The following PSD4 variants were observed in gnomAD, a reference collection of about 807,000 sequenced individuals.
PSD4 encodes the protein PH and SEC7 domain-containing protein 4.
PSD4 carries 59 observed loss-of-function variants against 112.5 expected under a neutral mutation model. The ratio of observed to expected loss-of-function variants is 0.52; its 90% CI spans 0.43 to 0.65. The LOEUF is 0.65. Among genes scored for constraint, PSD4 ranks in the 30% least tolerant of loss-of-function variants. PSD4 has a pLI of 0.00. For missense variants in PSD4, 1,267 were observed against 1,352.6 expected (o/e 0.94, Z 0.99); for synonymous variants, 533 against 540.0 (o/e 0.99, Z 0.18).
chr2:113,195,047 C>G (rs1213673834), intron 10 of PSD4, among the ~76,000 whole-genome samples: 1 of 152,194 alleles, frequency 6.6e-6, no homozygotes, highest in Non-Finnish European at 1.5e-5. Context: ...CCAGTTTCTT[C>G]TCCATCAGAT....
chr2:113,193,451 T>G, intron 8 of PSD4, 81 bp downstream of exon 8: 1 of 1,501,130 alleles, frequency 6.7e-7, no homozygotes, highest in Admixed American at 1.7e-5. Flanking sequence ...TAGGTGACAG[T>G]GAACTGGTGG....
At chr2:113,176,508 A>G (rs4849160) in intron 1 of PSD4, among the ~76,000 whole-genome samples, 113,832 of 152,140 alleles carry the variant, frequency 0.75, 43,558 homozygotes, top group African/African-American at 0.91. Flanking sequence ...AGAGTGGAGC[A>G]GTGCTCTCTC....
At chr2:113,190,376 A>G (rs1688412324) in intron 5 of PSD4, among the ~76,000 whole-genome samples, 1 of 152,144 alleles carries the variant, frequency 6.6e-6, no homozygotes, top group African/African-American at 2.4e-5. Context: ...GTTGGCTGTA[A>G]ATTGTACACT....
rs1333278075 is a variant in PSD4, at chr2:113,196,332, GGGT to G, written c.2386+28_2386+30del. On this transcript the variant is annotated intron_variant, in intron 12 of 16. Coordinates refer to ENST00000245796, the MANE Select transcript of PSD4 (RefSeq NM_012455.3). ...AGTGAGTGTCTGCTGCCCACAAACA[GGGT>G]GGCGTGCTGGGAGCAGCCCTGCTCA... is the stretch of plus-strand genomic sequence containing the variant. 3 of 1,601,736 alleles carry G rather than the reference GGGT, an allele frequency of 1.9e-6. No individual in the cohort carries two copies. In the African/African-American group the frequency reaches 4.0e-5, roughly 21 times the overall value.
In PSD4 at chr2:113,186,120, A is replaced by G. The variant is rs930140023; in HGVS notation, c.1493A>G (p.Glu498Gly). ...TCTTCACTCTTGGAGACGGATGGGG[A>G]ACAGCCAAGTTCCTTGAAGAAAAAG... is the stretch of plus-strand genomic sequence containing the variant. Reference protein sequence around the residue: ...SQSSLLETDGEQPSSLKKKEA... With the variant: ...SQSSLLETDGGQPSSLKKKEA... Residue 498 changes from glutamate (E) to glycine (G), a missense_variant, in exon 5 of 17, where the codon GAA (glutamate) becomes GGA (glycine). By Grantham distance (98) the Glu-to-Gly change is moderately conservative. Coordinates refer to ENST00000245796, the MANE Select transcript of PSD4 (RefSeq NM_012455.3). 1 of 1,614,096 alleles carries G rather than the reference A, an allele frequency of 6.2e-7. No individual in the cohort carries two copies. The highest frequency in any genetic ancestry group is 1.3e-5 in the African/African-American group (1 of 74,922).
rs1456296765 is a variant in PSD4, at chr2:113,196,305, AGAGT to A, written c.2386+4_2386+7del. 2 of 1,611,726 alleles carry A rather than the reference AGAGT, an allele frequency of 1.2e-6. No homozygotes were observed. Among genetic ancestry groups the A allele is most frequent in the Non-Finnish European group, 1.7e-6 (2 of 1,178,348 alleles). On this transcript the variant is annotated splice_donor_variant and coding_sequence_variant, in exon 12 of 17. Transcript: ENST00000245796. LOFTEE classifies it high-confidence loss of function. ...ATGCATCAAGATGCAGACGGCAAGA[AGAGT>A]GAGTGTCTGCTGCCCACAAACAGGG...
Position 113,201,786 on chromosome 2 carries a change from A to C in PSD4, c.*371A>C, listed in dbSNP as rs1688784459. ...AGAACTCAGCACTTGTTTGAGAACC[A>C]GTGCTTATGTGGTGTGCCCTTGGCT... On this transcript the variant is annotated 3_prime_UTR_variant, in exon 17 of 17. Coordinates refer to ENST00000245796, the MANE Select transcript of PSD4 (RefSeq NM_012455.3). 1 of 261,248 alleles carries C rather than the reference A, an allele frequency of 3.8e-6. No homozygotes were observed. The highest frequency in any genetic ancestry group is 7.5e-6 in the Non-Finnish European group (1 of 133,418). The allele number at this position is 261,248 out of a possible 1,614,324, so 16.2% of individuals were successfully genotyped here. A position where few individuals can be genotyped will look rare whatever the true frequency, so the allele number is the denominator to read the frequency against.
In PSD4 at chr2:113,183,457, C is replaced by T. The variant is rs1411556709; in HGVS notation, c.1001C>T (p.Ser334Leu). 6.3e-7 allele frequency: 1 copy of T among 1,591,272 alleles called. No homozygotes were observed. The highest frequency in any genetic ancestry group is 8.5e-7 in the Non-Finnish European group (1 of 1,169,848). ...AAACCACACTCCATCTGCTGGGCCT[C>T]AGTGGCTGCCGCTGAGGGGGCTCCT... Reference protein sequence around the residue: ...IYKPHSICWASVAAAEGAPAA... With the variant: ...IYKPHSICWALVAAAEGAPAA... Residue 334 changes from serine to leucine, a missense_variant, in exon 2 of 17, where the codon TCA (serine) becomes TTA (leucine). Transcript: ENST00000245796.
At chr2:113,195,381 C>T (rs780526732) in intron 10 of PSD4, among the ~76,000 whole-genome samples, 84 of 152,160 alleles carry the variant, frequency 5.5e-4, no homozygotes, top group Non-Finnish European at 8.5e-4. Flanking sequence ...AGGCTGGTCT[C>T]GAACTCCTGA....
At position 113,193,343 on chromosome 2, in the gene PSD4, T is replaced by G. The variant is rs1263063092; in HGVS notation, c.2005T>G (p.Cys669Gly). 1 of 1,604,862 alleles carries G rather than the reference T, an allele frequency of 6.2e-7. No homozygotes were observed. Among genetic ancestry groups the G allele is most frequent in the Non-Finnish European group, 8.5e-7 (1 of 1,177,350 alleles). Residue 669 changes from cysteine (C) to glycine (G), a missense_variant, in exon 8 of 17, where the codon TGC becomes GGC. Cys to Gly is a radical substitution (Grantham distance 159). Coordinates refer to ENST00000245796, the MANE Select transcript of PSD4 (RefSeq NM_012455.3). ...LYQFSRRFHH[C>G]NPGIFPSVDS... is the part of the protein sequence containing the mutation. ...CCAGTTCTCCAGACGCTTCCACCAT[T>G]GCAATCCGGGGATCTTCCCCTCAGT... is the stretch of plus-strand genomic sequence containing the variant.
At chr2:113,186,914 A>G (rs2104498667) in intron 5 of PSD4, among the ~76,000 whole-genome samples, 1 of 152,276 alleles carries the variant, frequency 6.6e-6, no homozygotes, top group Non-Finnish European at 1.5e-5. Flanking sequence ...TGAAAAAGGC[A>G]TTTTGTTTTC....
rs766353077 is a variant in PSD4, at chr2:113,197,576, A to G, written c.2399A>G (p.Lys800Arg). ...GTTCCTGGAACAGCGCCATGGGGCA[A>G]GCGTGGCTGGAAGATGTTCCACACC... ...DADGKKTPWG[K>R]RGWKMFHTLL... Residue 800 changes from lysine (K) to arginine (R), a missense_variant, in exon 13 of 17, where the codon AAG (lysine) becomes AGG (arginine). Transcript: ENST00000245796. The G allele has an allele frequency of 1.1e-5, 18 of 1,614,094 alleles. No individual in the cohort carries two copies. Among genetic ancestry groups the G allele is most frequent in the Non-Finnish European group, 2.5e-6 (3 of 1,180,032 alleles).
intron 6 of PSD4, 149 bp downstream of exon 6, chr2:113,192,738 C>T: frequency 3.6e-6 from 3 of 823,428 alleles, no homozygotes; most frequent in Admixed American, 5.5e-5. Context: ...CATACCCTCA[C>T]TGTATCTGCT....
intron 5 of PSD4, among the ~76,000 whole-genome samples, chr2:113,189,562 TC>T (rs1688396058): frequency 6.6e-6 from 1 of 152,212 alleles, no homozygotes; most frequent in African/African-American, 2.4e-5. Flanking sequence ...AAATGGCAGT[TC>T]TACTTTTAGT....
chr2:113,188,113 C>T (rs1688347818), intron 5 of PSD4, among the ~76,000 whole-genome samples: 1 of 151,720 alleles, frequency 6.6e-6, no homozygotes, highest in Non-Finnish European at 1.5e-5. Flanking sequence ...AATCAACTGA[C>T]GAAGCCCTAA....
At position 113,203,458 on chromosome 2, in the gene PSD4, A is replaced by T. The variant is rs2104512566; in HGVS notation, c.*2043A>T. 5 of 151,680 alleles carry T rather than the reference A, an allele frequency of 3.3e-5. 2 individuals carry two copies. Among genetic ancestry groups the T allele is most frequent in the Admixed American group, 3.3e-4 (5 of 15,236 alleles). The allele number at this position is 151,680 out of a possible 1,614,324, so 9.4% of individuals were successfully genotyped here. On this transcript the variant is annotated 3_prime_UTR_variant, in exon 17 of 17. Transcript: ENST00000245796. ...CAATTGCCTCATTTGATTGAAGTGG[A>T]ATCCCAGCATCAAGTGGACATGACT...
rs1297977455 is a variant in PSD4 at position 113,185,883 on chromosome 2, G to A, written c.1256G>A (p.Arg419Lys). 1 of 1,610,424 alleles carries A rather than the reference G, an allele frequency of 6.2e-7. No individual in the cohort carries two copies. Among genetic ancestry groups the A allele is most frequent in the Non-Finnish European group, 8.5e-7 (1 of 1,178,410 alleles). The change falls in exon 5 of 17, where the codon AGG (arginine) becomes AAG (lysine). Residue 419 changes from arginine (R) to lysine (K), a missense_variant. Physicochemically the swap from Arg to Lys is conservative, Grantham distance 26. This residue lies in a region of PSD4 where 723 missense variants were observed against 704.0 expected (regional missense o/e 1.03). Coordinates refer to ENST00000245796, the MANE Select transcript of PSD4 (RefSeq NM_012455.3). Reference protein sequence around the residue: ...VTLNSQDRDEREGGHPQESLP... With the variant: ...VTLNSQDRDEKEGGHPQESLP... ...ACTTCATGTTCTTCCTCAGATGAGA[G>A]GGAGGGTGGACACCCCCAGGAATCT...
At chr2:113,184,171 G>A (rs1688225884) in intron 2 of PSD4, among the ~76,000 whole-genome samples, 1 of 152,176 alleles carries the variant, frequency 6.6e-6, no homozygotes, top group Non-Finnish European at 1.5e-5. Flanking sequence ...ATATGGTAGA[G>A]TGTGGCTGTA....
chr2:113,195,441 T>C (rs989450517), intron 10 of PSD4, among the ~76,000 whole-genome samples: 4 of 152,066 alleles, frequency 2.6e-5, no homozygotes, highest in Admixed American at 1.3e-4. Context: ...GGATTAGAGG[T>C]GTGAGCCACT....
Sources: allele counts gnomAD v4.1 joint callset (sites outside exome capture counted in the v4.1 genomes callset), GRCh38; gene constraint gnomAD v4.1.1; regional missense constraint gnomAD v4.1.1; transcripts MANE v1.5; gene names NCBI Gene and HGNC (gene_info 2026-07-23, HGNC 2026-07-21).